ZFHX4: variants seen among roughly 807,000 people sequenced by gnomAD.
ZFHX4 encodes zinc finger homeobox 4, also known as zinc finger homeobox protein 4.
A neutral mutation model predicts 267.6 loss-of-function variants in ZFHX4; 56 were observed. The observed-to-expected ratio is 0.21, with a 90% CI of 0.17 to 0.26. ZFHX4 has a LOEUF of 0.26. Ranked by LOEUF, ZFHX4 falls within the 10% of genes least tolerant of loss-of-function variation. The probability of loss-of-function intolerance (pLI) is 1.00; values close to 1 mark genes in which losing one functional copy is unlikely to be tolerated. For missense variants in ZFHX4, 4,332 were observed against 4,420.0 expected, an observed-to-expected ratio of 0.98 and a Z score of 0.56; for synonymous variants, 1,778 against 1,665.6, an observed-to-expected ratio of 1.07 and a Z score of -1.64.
intron 1 of ZFHX4, among the ~76,000 whole-genome samples, chr8:76,689,109 T>C (rs1807762450): frequency 6.6e-6 from 1 of 152,134 alleles, no homozygotes; most frequent in South Asian, 2.1e-4. Context: ...CAGAAACTTT[T>C]ATGGTTAACT....
At position 76,813,000 on chromosome 8, in the gene ZFHX4, T is replaced by G. The variant is rs368289640; in HGVS notation, c.3326-20338T>G. 4.6e-5 allele frequency among the ~76,000 whole-genome samples: 7 copies of G among 152,334 alleles called. No individual in the cohort carries two copies. In the East Asian group the frequency reaches 1.2e-3, roughly 25 times the overall value. On this transcript the variant is annotated intron_variant, in intron 4 of 10. Coordinates refer to ENST00000651372, the MANE Select transcript of ZFHX4 (RefSeq NM_024721.5). ...GTGAGGCAAGAATTACATACTATTG[T>G]GATATTTAAAAGCCTCAATTTTTAA...
chr8:76,779,574 A>G (rs1563517731), intron 4 of ZFHX4, among the ~76,000 whole-genome samples: 1 of 152,164 alleles, frequency 6.6e-6, no homozygotes, highest in South Asian at 2.1e-4. Context: ...AACCCGGACC[A>G]ATGAGGGCAC....
intron 4 of ZFHX4, among the ~76,000 whole-genome samples, chr8:76,806,631 T>C (rs1210893554): frequency 6.6e-6 from 1 of 151,996 alleles, no homozygotes; most frequent in African/African-American, 2.4e-5. Context: ...TTTCAAGAGA[T>C]TAAAAGAACT....
chr8:76,861,053 C>T (rs1812853090), intron 10 of ZFHX4, among the ~76,000 whole-genome samples: 1 of 152,078 alleles, frequency 6.6e-6, no homozygotes, highest in African/African-American at 2.4e-5. Flanking sequence ...GGAATCTAGA[C>T]ATCTATTACT....
chr8:76,788,201 AC>A (rs1438866969), intron 4 of ZFHX4, among the ~76,000 whole-genome samples: 1 of 152,164 alleles, frequency 6.6e-6, no homozygotes, highest in African/African-American at 2.4e-5. Context: ...TTCCTGCCCA[AC>A]AGGAACCACA....
chr8:76,697,924 A>G (rs570281385), intron 1 of ZFHX4, among the ~76,000 whole-genome samples: 324 of 152,170 alleles, frequency 2.1e-3, no homozygotes, highest in African/African-American at 7.4e-3. Flanking sequence ...ATTTGGAAGT[A>G]CCTTTTTCCT....
chr8:76,753,121 C>T (rs1424293762), intron 3 of ZFHX4, among the ~76,000 whole-genome samples: 1 of 152,178 alleles, frequency 6.6e-6, no homozygotes, highest in East Asian at 1.9e-4. Context: ...TAATAAACTG[C>T]TTGTGTATCC....
chr8:76,686,728 C>T (rs1807701374), intron 1 of ZFHX4, among the ~76,000 whole-genome samples: 1 of 152,156 alleles, frequency 6.6e-6, no homozygotes, highest in African/African-American at 2.4e-5. Flanking sequence ...AATGAATGTT[C>T]CTGCCTTCCT....
At chr8:76,708,615 A>G (rs975367724) in intron 3 of ZFHX4, among the ~76,000 whole-genome samples, 2 of 152,162 alleles carry the variant, frequency 1.3e-5, no homozygotes, top group African/African-American at 4.8e-5. Flanking sequence ...CTGTCTTCCT[A>G]TCAATATTTT....
rs200085531 is a variant in ZFHX4, at chr8:76,854,440, C to T, written c.7519C>T (p.Leu2507Phe). 1.0e-4 allele frequency: 165 copies of T among 1,613,982 alleles called. 3 individuals carry two copies. The East Asian group carries it at 3.3e-3, about 32-fold the overall frequency. ...TACAGTTGCCTTCCCAACTCTGGAACTCTGGCAGGAACACCAGCACATGCA... is the reference window on the plus strand; with the variant it reads ...TACAGTTGCCTTCCCAACTCTGGAATTCTGGCAGGAACACCAGCACATGCA... ...QCTVAFPTLE[L>F]WQEHQHMHFL... The change falls in exon 10 of 11, where the codon CTC (leucine) becomes TTC (phenylalanine). Residue 2507 changes from leucine to phenylalanine, a missense_variant. Coordinates refer to ENST00000651372, the MANE Select transcript of ZFHX4 (RefSeq NM_024721.5).
chr8:76,789,680 G>A (rs970122394), intron 4 of ZFHX4, among the ~76,000 whole-genome samples: 3 of 152,086 alleles, frequency 2.0e-5, no homozygotes, highest in Non-Finnish European at 4.4e-5. Context: ...GTGGATTTGA[G>A]ATCTGAAGTA....
chr8:76,691,109 G>T (rs1029048607), intron 1 of ZFHX4, among the ~76,000 whole-genome samples: 1 of 152,056 alleles, frequency 6.6e-6, no homozygotes, highest in South Asian at 2.1e-4. Flanking sequence ...TTTGAAAAAG[G>T]CTTGTTGAAT....
chr8:76,833,518 A>G (rs951793893), intron 5 of ZFHX4, 112 bp downstream of exon 5: 6 of 745,170 alleles, frequency 8.1e-6, no homozygotes, highest in Non-Finnish European at 1.3e-5. Flanking sequence ...ATTAGATCTG[A>G]TCATATGCCT....
At chr8:76,778,529 C>A in intron 4 of ZFHX4, 90 bp downstream of exon 4, 1 of 1,055,134 alleles carries the variant, frequency 9.5e-7, no homozygotes, top group Non-Finnish European at 1.4e-6. Flanking sequence ...ACACACGCCT[C>A]AAACTCTCCA....
At chr8:76,859,269 C>G (rs1812808182) in intron 10 of ZFHX4, among the ~76,000 whole-genome samples, 1 of 152,068 alleles carries the variant, frequency 6.6e-6, no homozygotes, top group African/African-American at 2.4e-5. Flanking sequence ...TCATGTATGC[C>G]TGCTTCCTAA....
At chr8:76,742,392 T>C (rs1809342578) in intron 3 of ZFHX4, among the ~76,000 whole-genome samples, 1 of 152,182 alleles carries the variant, frequency 6.6e-6, no homozygotes, top group Non-Finnish European at 1.5e-5. Flanking sequence ...AACTGGACCT[T>C]TACCTAGCAT....
At chr8:76,710,091 T>C (rs1479460303) in intron 3 of ZFHX4, among the ~76,000 whole-genome samples, 2 of 152,204 alleles carry the variant, frequency 1.3e-5, no homozygotes, top group African/African-American at 4.8e-5. Flanking sequence ...TCTTCTTTAG[T>C]TGTTTATCTC....
chr8:76,864,738 T>C lies in ZFHX4; in HGVS notation c.*173T>C. ...GCTGGCAATATAGGATGGTATGTAA[T>C]GGACAGAACTGATGCAGATGGTTGA... On this transcript the variant is annotated 3_prime_UTR_variant, in exon 11 of 11. Coordinates refer to ENST00000651372, the MANE Select transcript of ZFHX4 (RefSeq NM_024721.5). The C allele has an allele frequency of 4.1e-6, 2 of 488,562 alleles. No homozygotes were observed. Among genetic ancestry groups the C allele is most frequent in the Non-Finnish European group, 7.2e-6 (2 of 277,410 alleles). 30.3% of individuals were successfully genotyped at this position (488,562 alleles called of 1,614,324 possible).
In ZFHX4 at chr8:76,828,053, G is replaced by A. The variant is rs148104928; in HGVS notation, c.3326-5285G>A. On this transcript the variant is annotated intron_variant, in intron 4 of 10. Coordinates refer to ENST00000651372, the MANE Select transcript of ZFHX4 (RefSeq NM_024721.5). The stretch of plus-strand genomic sequence containing the variant: ...TTTTAGAAGAGCAGTCTTTGTATCC[G>A]CATAGGAAAAGGATGGAGAAGACCA... Among the ~76,000 whole-genome samples the A allele has an allele frequency of 5.3e-5, 8 of 152,262 alleles. No individual in the cohort carries two copies. In the East Asian group the frequency reaches 7.7e-4, roughly 15 times the overall value.
Sources: allele counts gnomAD v4.1 joint callset (sites outside exome capture counted in the v4.1 genomes callset), GRCh38; gene constraint gnomAD v4.1.1; transcripts MANE v1.5; gene names NCBI Gene and HGNC (gene_info 2026-07-23, HGNC 2026-07-21).